KCNK9: variants seen among roughly 807,000 people sequenced by gnomAD.
The protein encoded by KCNK9 is potassium two pore domain channel subfamily K member 9, also known as potassium channel subfamily K member 9.
In KCNK9, 1 loss-of-function variant was observed where a neutral mutation model predicts 10.8. The observed-to-expected ratio is 0.09, with a 90% CI of 0.03 to 0.44. KCNK9 has a LOEUF of 0.44. Among genes scored for constraint, KCNK9 ranks in the 20% least tolerant of loss-of-function variants. KCNK9 has a pLI of 0.97. For missense variants in KCNK9, 303 were observed against 515.0 expected (o/e 0.59, Z 3.98); for synonymous variants, 231 against 222.7 (o/e 1.04, Z -0.33).
chr8:139,628,848 C>T (rs964967601), intron 1 of KCNK9, among the ~76,000 whole-genome samples: 1 of 152,198 alleles, frequency 6.6e-6, no homozygotes, highest in Non-Finnish European at 1.5e-5. Context: ...CCATGTAGGG[C>T]CTTGAGTGAG....
At chr8:139,636,981 C>T (rs1815358059) in intron 1 of KCNK9, among the ~76,000 whole-genome samples, 1 of 152,208 alleles carries the variant, frequency 6.6e-6, no homozygotes, top group Admixed American at 6.5e-5. Context: ...AATGTTTTAA[C>T]ACAGCAGCTG....
At chr8:139,627,003 G>A (rs552561645) in intron 1 of KCNK9, among the ~76,000 whole-genome samples, 1 of 152,164 alleles carries the variant, frequency 6.6e-6, no homozygotes, top group East Asian at 1.9e-4. Flanking sequence ...AAACCCAGGC[G>A]TCTGCAAACA....
intron 1 of KCNK9, among the ~76,000 whole-genome samples, chr8:139,662,534 C>G (rs937836120): frequency 6.6e-6 from 1 of 152,148 alleles, no homozygotes; most frequent in African/African-American, 2.4e-5. Context: ...GGCCTGACCC[C>G]ATGCACCAGG....
At chr8:139,633,146 CAT>C (rs939947048) in intron 1 of KCNK9, among the ~76,000 whole-genome samples, 25 of 152,172 alleles carry the variant, frequency 1.6e-4, no homozygotes, top group African/African-American at 5.5e-4. Context: ...CAAACACACA[CAT>C]GTATACAGAA....
At chr8:139,619,435 G>A (rs957628743) in intron 1 of KCNK9, among the ~76,000 whole-genome samples, 6 of 152,062 alleles carry the variant, frequency 3.9e-5, no homozygotes, top group Non-Finnish European at 8.8e-5. Context: ...AGGAACATTC[G>A]AATGCCATCT....
intron 1 of KCNK9, among the ~76,000 whole-genome samples, chr8:139,675,187 G>A (rs1214082892): frequency 1.3e-5 from 2 of 152,216 alleles, no homozygotes; most frequent in African/African-American, 4.8e-5. Flanking sequence ...TCCAGGCAGT[G>A]CCTGACCTGG....
chr8:139,676,563 G>A (rs1484363897), intron 1 of KCNK9, among the ~76,000 whole-genome samples: 2 of 152,206 alleles, frequency 1.3e-5, no homozygotes, highest in African/African-American at 4.8e-5. Flanking sequence ...TCTGAGAGGA[G>A]GCACTCCCTA....
At chr8:139,680,054 G>T (rs1489882842) in intron 1 of KCNK9, among the ~76,000 whole-genome samples, 1 of 152,162 alleles carries the variant, frequency 6.6e-6, no homozygotes, top group African/African-American at 2.4e-5. Flanking sequence ...CCCCGACCAG[G>T]TCTCTTCCCT....
At chr8:139,668,878 G>A (rs1330267742) in intron 1 of KCNK9, among the ~76,000 whole-genome samples, 1 of 152,126 alleles carries the variant, frequency 6.6e-6, no homozygotes, top group Non-Finnish European at 1.5e-5. Flanking sequence ...GCTCAACCTT[G>A]TCACGTTCAG....
At chr8:139,660,347 G>A (rs374477254) in intron 1 of KCNK9, among the ~76,000 whole-genome samples, 2 of 151,966 alleles carry the variant, frequency 1.3e-5, no homozygotes, top group African/African-American at 4.8e-5. Flanking sequence ...GCTCACGCCT[G>A]TAGTCCCAGC....
chr8:139,698,970 A>T (rs1817130269), intron 1 of KCNK9, among the ~76,000 whole-genome samples: 1 of 152,120 alleles, frequency 6.6e-6, no homozygotes, highest in East Asian at 1.9e-4. Flanking sequence ...CCCCACAGCA[A>T]CCACTCCTAG....
At chr8:139,683,622 G>A (rs1472140405) in intron 1 of KCNK9, among the ~76,000 whole-genome samples, 1 of 152,208 alleles carries the variant, frequency 6.6e-6, no homozygotes, top group Non-Finnish European at 1.5e-5. Context: ...GTTGACCACG[G>A]GTTACCAGGT....
At chr8:139,649,609 G>A (rs1815796272) in intron 1 of KCNK9, among the ~76,000 whole-genome samples, 2 of 152,092 alleles carry the variant, frequency 1.3e-5, no homozygotes, top group South Asian at 4.1e-4. Context: ...CTCCTGCACT[G>A]TGCGACAGAT....
chr8:139,685,472 C>T (rs1816769938), intron 1 of KCNK9, among the ~76,000 whole-genome samples: 1 of 152,150 alleles, frequency 6.6e-6, no homozygotes, highest in Admixed American at 6.5e-5. Flanking sequence ...GTAATGTTCC[C>T]TTCCCTGTGT....
At chr8:139,621,461 C>G (rs984802930) in intron 1 of KCNK9, among the ~76,000 whole-genome samples, 2 of 152,052 alleles carry the variant, frequency 1.3e-5, no homozygotes, top group Non-Finnish European at 2.9e-5. Context: ...ATACCACATA[C>G]AGGGGAACAA....
intron 1 of KCNK9, among the ~76,000 whole-genome samples, chr8:139,701,350 T>A (rs1817214038): frequency 6.6e-6 from 1 of 152,184 alleles, no homozygotes; most frequent in Non-Finnish European, 1.5e-5. Context: ...TAAAACAAGA[T>A]GACTCTCTAA....
chr8:139,685,364 T>C (rs1475344832), intron 1 of KCNK9, among the ~76,000 whole-genome samples: 1 of 152,192 alleles, frequency 6.6e-6, no homozygotes, highest in East Asian at 1.9e-4. Flanking sequence ...ACATGTGCCA[T>C]GTTGGTTTGC....
At chr8:139,671,902 C>G (rs145421577) in intron 1 of KCNK9, among the ~76,000 whole-genome samples, 1 of 152,180 alleles carries the variant, frequency 6.6e-6, no homozygotes, top group Non-Finnish European at 1.5e-5. Flanking sequence ...CTCCCCTGAG[C>G]GTGGCAGGAG....
chr8:139,661,738 T>A (rs932008814), intron 1 of KCNK9, among the ~76,000 whole-genome samples: 2 of 152,168 alleles, frequency 1.3e-5, no homozygotes, highest in Admixed American at 1.3e-4. Flanking sequence ...CTTTGGAGCC[T>A]GACACACAGG....
Sources: allele counts gnomAD v4.1 joint callset (sites outside exome capture counted in the v4.1 genomes callset), GRCh38; gene constraint gnomAD v4.1.1; transcripts MANE v1.5; gene names NCBI Gene and HGNC (gene_info 2026-07-23, HGNC 2026-07-21).